DNAJC5B: variants seen among roughly 807,000 people sequenced by gnomAD.
DNAJC5B encodes dnaJ homolog subfamily C member 5B.
In DNAJC5B, 23 loss-of-function variants were observed where a neutral mutation model predicts 24.7. The ratio of observed to expected loss-of-function variants is 0.93; its 90% CI spans 0.67 to 1.32. The LOEUF is 1.32. Among genes scored for constraint, DNAJC5B ranks in the 40% most tolerant of loss-of-function variants. DNAJC5B has a pLI of 0.00. For synonymous variants in DNAJC5B, 101 were observed against 90.1 expected (o/e 1.12, Z -0.68); for missense variants, 238 against 240.8 (o/e 0.99, Z 0.08).
At chr8:66,054,920 A>G (rs1276098001) in intron 3 of DNAJC5B, among the ~76,000 whole-genome samples, 1 of 152,180 alleles carries the variant, frequency 6.6e-6, no homozygotes, top group Non-Finnish European at 1.5e-5. Context: ...TTGCATTGTC[A>G]GTTAATTTTT....
At chr8:66,072,049 G>A (rs1023798455) in intron 3 of DNAJC5B, among the ~76,000 whole-genome samples, 1 of 150,988 alleles carries the variant, frequency 6.6e-6, no homozygotes, top group Admixed American at 6.6e-5. Context: ...GGGCCTGTCA[G>A]GGGGTGGGGG....
In DNAJC5B at chr8:66,100,992, C is replaced by T. The variant is rs1808061522; in HGVS notation, c.*961C>T. The stretch of plus-strand genomic sequence containing the variant: ...TCTTGTATTTATTATGTGGTAGAAA[C>T]CATGTGCTATTTCTAAAATACTATG... On this transcript the variant is annotated 3_prime_UTR_variant, in exon 6 of 6. Coordinates refer to ENST00000276570, the MANE Select transcript of DNAJC5B (RefSeq NM_033105.6). 1.3e-5 allele frequency among the ~76,000 whole-genome samples: 2 copies of T among 152,158 alleles called. No homozygotes were observed.
intron 1 of DNAJC5B, among the ~76,000 whole-genome samples, chr8:66,024,671 G>C (rs1244628831): frequency 1.6e-5 from 1 of 63,812 alleles, no homozygotes; most frequent in African/African-American, 8.4e-5. Context: ...GTGAGAATAT[G>C]CGGTGTTTGG....
rs1808052884 is a variant in DNAJC5B at position 66,100,523 on chromosome 8, G to T, written c.*492G>T. The T allele has an allele frequency of 6.6e-6, 1 of 152,194 alleles. No individual in the cohort carries two copies. The highest frequency in any genetic ancestry group is 2.4e-5 in the African/African-American group (1 of 41,442). The allele number at this position is 152,194 out of a possible 1,614,324, so 9.4% of individuals were successfully genotyped here. On this transcript the variant is annotated 3_prime_UTR_variant, in exon 6 of 6. Coordinates refer to ENST00000276570, the MANE Select transcript of DNAJC5B (RefSeq NM_033105.6). ...AGTTATAGAAATGTTTCAAGAGCCA[G>T]AAAGGGATGATTTTTTTTTAAATCA...
intron 1 of DNAJC5B, among the ~76,000 whole-genome samples, chr8:66,034,164 ATTG>A (rs1806425962): frequency 8.3e-6 from 1 of 120,184 alleles, no homozygotes; most frequent in Non-Finnish European, 1.8e-5. Context: ...TATTCTCTCT[ATTG>A]TTGTTGTTTT....
intron 3 of DNAJC5B, among the ~76,000 whole-genome samples, chr8:66,072,095 T>C (rs1408541976): frequency 6.6e-6 from 1 of 152,068 alleles, no homozygotes; most frequent in Non-Finnish European, 1.5e-5. Flanking sequence ...AAATGTTTAA[T>C]GTAGGTGACG....
chr8:66,073,824 A>T (rs561218629), intron 3 of DNAJC5B, among the ~76,000 whole-genome samples: 41 of 152,210 alleles, frequency 2.7e-4, no homozygotes, highest in Non-Finnish European at 4.9e-4. Context: ...TTAAAATGTC[A>T]GGTATCAATG....
At chr8:66,066,493 C>G (rs991450435) in intron 3 of DNAJC5B, among the ~76,000 whole-genome samples, 1 of 152,134 alleles carries the variant, frequency 6.6e-6, no homozygotes, top group Admixed American at 6.5e-5. Flanking sequence ...TGCCCATCGA[C>G]CAATGAGTGG....
chr8:66,094,821 T>A (rs941279121), intron 5 of DNAJC5B, among the ~76,000 whole-genome samples: 1 of 152,136 alleles, frequency 6.6e-6, no homozygotes, highest in East Asian at 1.9e-4. Context: ...TGATCACGGA[T>A]GTAAAATTTT....
chr8:66,046,684 C>T (rs1806729873), intron 2 of DNAJC5B, among the ~76,000 whole-genome samples: 1 of 152,220 alleles, frequency 6.6e-6, no homozygotes, highest in Non-Finnish European at 1.5e-5. Flanking sequence ...CCCGCTGCCC[C>T]TCGGGGGCTA....
Position 66,072,249 on chromosome 8 carries a change from T to C in DNAJC5B, c.120-4411T>C, listed in dbSNP as rs932810321. Among the ~76,000 whole-genome samples the C allele has an allele frequency of 5.3e-5, 8 of 152,266 alleles. No homozygotes were observed. In the East Asian group the frequency reaches 1.5e-3, roughly 29 times the overall value. ...TAACAGTTATAAGTTTATGGGCTTC[T>C]AAAACACATGGCCTAAAATATACAA... On this transcript the variant is annotated intron_variant, in intron 3 of 5. Transcript: ENST00000276570.
At chr8:66,085,102 T>C (rs1187328564) in intron 5 of DNAJC5B, among the ~76,000 whole-genome samples, 1 of 152,196 alleles carries the variant, frequency 6.6e-6, no homozygotes, top group Non-Finnish European at 1.5e-5. Context: ...GTCTCTACTA[T>C]GTATCCTTTC....
At chr8:66,081,857 C>T (rs977317751) in intron 5 of DNAJC5B, among the ~76,000 whole-genome samples, 1 of 151,950 alleles carries the variant, frequency 6.6e-6, no homozygotes, top group Non-Finnish European at 1.5e-5. Flanking sequence ...AAATTGTGGG[C>T]CCATGGTGAA....
At chr8:66,078,746 T>G (rs1807527398) in intron 4 of DNAJC5B, among the ~76,000 whole-genome samples, 1 of 152,170 alleles carries the variant, frequency 6.6e-6, no homozygotes, top group Non-Finnish European at 1.5e-5. Flanking sequence ...AAATTTTCCA[T>G]AGCAAAGAGA....
Position 66,099,863 on chromosome 8 carries a change from T to A in DNAJC5B, c.506-74T>A, listed in dbSNP as rs1808035076. 3.8e-6 allele frequency: 5 copies of A among 1,331,892 alleles called. No individual in the cohort carries two copies. The South Asian group carries it at 6.4e-5, about 17-fold the overall frequency. The allele number at this position is 1,331,892 out of a possible 1,614,324, so 82.5% of individuals were successfully genotyped here. ...TTGCCAGTCATGAATTCAACAAAAATACCTATCACTTGCTTCATTAAAAGA... is the reference window on the plus strand; with the variant it reads ...TTGCCAGTCATGAATTCAACAAAAAAACCTATCACTTGCTTCATTAAAAGA... On this transcript the variant is annotated intron_variant, in intron 5 of 5. Coordinates refer to ENST00000276570, the MANE Select transcript of DNAJC5B (RefSeq NM_033105.6).
chr8:66,062,934 C>G (rs1444762883), intron 3 of DNAJC5B, among the ~76,000 whole-genome samples: 1 of 152,182 alleles, frequency 6.6e-6, no homozygotes, highest in Non-Finnish European at 1.5e-5. Flanking sequence ...CTCTTGAGCC[C>G]AGGAGTTTGA....
At chr8:66,062,485 A>G (rs1335263489) in intron 3 of DNAJC5B, among the ~76,000 whole-genome samples, 1 of 152,272 alleles carries the variant, frequency 6.6e-6, no homozygotes, top group Non-Finnish European at 1.5e-5. Flanking sequence ...CATTTGTAAC[A>G]TAAACATTGG....
chr8:66,042,701 C>G (rs1222087797), intron 1 of DNAJC5B, among the ~76,000 whole-genome samples: 1 of 110,444 alleles, frequency 9.1e-6, no homozygotes, highest in Non-Finnish European at 1.9e-5. Flanking sequence ...CTCTCCCCCT[C>G]CCCCTCCCCC....
At chr8:66,060,916 C>T (rs137995263) in intron 3 of DNAJC5B, among the ~76,000 whole-genome samples, 1,779 of 152,130 alleles carry the variant, frequency 0.012, 12 homozygotes, top group Non-Finnish European at 0.019. Flanking sequence ...TTAAATAGGG[C>T]CAGGGGAAGG....
Sources: allele counts gnomAD v4.1 joint callset (sites outside exome capture counted in the v4.1 genomes callset), GRCh38; gene constraint gnomAD v4.1.1; transcripts MANE v1.5; gene names NCBI Gene and HGNC (gene_info 2026-07-23, HGNC 2026-07-21).